AOPEP: variants seen among roughly 807,000 people sequenced by gnomAD.
AOPEP encodes aminopeptidase O.
A neutral mutation model predicts 98.1 loss-of-function variants in AOPEP; 77 were observed. The observed-to-expected ratio is 0.78, with a 90% CI of 0.65 to 0.95. The LOEUF is 0.95. AOPEP is among the 40% of genes least tolerant of loss of function. The pLI, the probability that AOPEP is intolerant of heterozygous loss-of-function variation, is 0.00. For synonymous variants in AOPEP, 346 were observed against 365.3 expected, an observed-to-expected ratio of 0.95 and a Z score of 0.60; for missense variants, 1,024 against 1,024.7, an observed-to-expected ratio of 1.00 and a Z score of 0.01.
chr9:95,088,447 G>T (rs57883597), downstream of AOPEP, among the ~76,000 whole-genome samples: 465 of 152,250 alleles, frequency 3.1e-3, 2 homozygotes, highest in African/African-American at 0.011. Context: ...GACCTCACGT[G>T]ATCCACCTGC....
At chr9:94,932,012 T>G in intron 7 of AOPEP, 1 of 1,205,970 alleles carries the variant, frequency 8.3e-7, no homozygotes, top group Non-Finnish European at 1.0e-6. Flanking sequence ...CTGAATAACG[T>G]GTCTAACCTC....
At chr9:95,104,381 T>C in the AOPEP span, among the ~76,000 whole-genome samples, 1 of 152,162 alleles carries the variant, frequency 6.6e-6, no homozygotes, top group African/African-American at 2.4e-5. Flanking sequence ...GGGAATGGGC[T>C]TCTGCTGTGT....
chr9:94,901,999 A>G (rs112036530), intron 5 of AOPEP, among the ~76,000 whole-genome samples: 12 of 152,308 alleles, frequency 7.9e-5, no homozygotes, highest in African/African-American at 2.6e-4. Flanking sequence ...GCAGATTTCA[A>G]TTCAGCAGTT....
chr9:95,095,470 G>A, the AOPEP span, among the ~76,000 whole-genome samples: 6 of 152,204 alleles, frequency 3.9e-5, no homozygotes, highest in Non-Finnish European at 8.8e-5. Context: ...ATGTGTAGAA[G>A]AGCTTTAGAA....
chr9:94,847,675 G>A (rs142285272), intron 5 of AOPEP, among the ~76,000 whole-genome samples: 1 of 152,234 alleles, frequency 6.6e-6, no homozygotes, highest in African/African-American at 2.4e-5. Flanking sequence ...TTAGGCCTTC[G>A]TGTGCAGTAA....
intron 14 of AOPEP, among the ~76,000 whole-genome samples, chr9:95,061,209 G>A (rs1336287588): frequency 2.6e-5 from 4 of 152,198 alleles, no homozygotes; most frequent in Non-Finnish European, 4.4e-5. Context: ...CATGTGTAAA[G>A]GGAATGAAAA....
Position 94,934,813 on chromosome 9 carries a change from TCGAG to T in AOPEP, c.1661+6283_1661+6286del, listed in dbSNP as rs1467723669. 3.9e-5 allele frequency: 6 copies of T among 152,428 alleles called. 1 individual carries two copies. The highest frequency in any genetic ancestry group is 8.8e-5 in the Non-Finnish European group (6 of 68,230). 9.4% of individuals were successfully genotyped at this position (152,428 alleles called of 1,614,324 possible). On this transcript the variant is annotated intron_variant, in intron 7 of 16. Transcript: ENST00000375315. ...CTCTGTCATTCCTCCTCCATCTCCT[TCGAG>T]GTCTGCCCTTTGCCTGCCTGTGTCT...
intron 11 of AOPEP, among the ~76,000 whole-genome samples, chr9:94,987,626 T>C (rs995639167): frequency 5.3e-5 from 8 of 152,174 alleles, no homozygotes; most frequent in Non-Finnish European, 8.8e-5. Flanking sequence ...CCTGCAACAA[T>C]CTAACCAAGG....
intron 1 of AOPEP, among the ~76,000 whole-genome samples, chr9:94,731,335 C>T (rs990212529): frequency 2.0e-5 from 3 of 151,906 alleles, no homozygotes; most frequent in African/African-American, 4.8e-5. Flanking sequence ...TCACGCCATT[C>T]ACCTGCCTCA....
At chr9:95,150,129 A>G in the AOPEP span, 4 of 1,608,108 alleles carry the variant, frequency 2.5e-6, no homozygotes, top group Non-Finnish European at 3.4e-6. Context: ...TCTAAGAGCC[A>G]TGCATAATTA....
intron 14 of AOPEP, among the ~76,000 whole-genome samples, chr9:95,078,523 C>T (rs879333131): frequency 6.6e-6 from 1 of 152,246 alleles, no homozygotes; most frequent in East Asian, 1.9e-4. Flanking sequence ...ACAGGTCTCA[C>T]GCACGGGACC....
At chr9:94,767,792 A>G (rs910758330) in intron 2 of AOPEP, among the ~76,000 whole-genome samples, 4 of 152,330 alleles carry the variant, frequency 2.6e-5, no homozygotes, top group African/African-American at 7.2e-5. Flanking sequence ...CGTAAAATCT[A>G]TCTTTCTGAG....
At chr9:94,783,725 C>T (rs1217310635) in intron 3 of AOPEP, among the ~76,000 whole-genome samples, 3 of 151,932 alleles carry the variant, frequency 2.0e-5, no homozygotes, top group African/African-American at 4.8e-5. Flanking sequence ...TATATACATT[C>T]TCTATAGTAT....
chr9:95,135,273 TTC>T, the AOPEP span: 668 of 1,442,684 alleles, frequency 4.6e-4, 4 homozygotes, highest in African/African-American at 8.1e-3. Flanking sequence ...CCCCCTTTCA[TTC>T]TCTGACTAAA....
chr9:94,994,769 T>C (rs893662035), intron 11 of AOPEP, among the ~76,000 whole-genome samples: 2 of 152,194 alleles, frequency 1.3e-5, no homozygotes. Flanking sequence ...CTGACCAACA[T>C]GGTGAAACCT....
the AOPEP span, chr9:95,135,202 A>G: frequency 1.2e-6 from 1 of 850,180 alleles, no homozygotes; most frequent in Admixed American, 2.1e-5. Context: ...AGTGATTTCA[A>G]AAATAAAATG....
intron 13 of AOPEP, among the ~76,000 whole-genome samples, chr9:95,036,702 C>CTTTCTTTT (rs2064859741): frequency 7.4e-6 from 1 of 135,822 alleles, no homozygotes; most frequent in Admixed American, 7.8e-5. Context: ...TCTTCTTCTT[C>CTTTCTTTT]TTTTTTTTTT....
chr9:94,968,953 C>T (rs1321544369), intron 10 of AOPEP, among the ~76,000 whole-genome samples: 1 of 152,136 alleles, frequency 6.6e-6, no homozygotes, highest in Non-Finnish European at 1.5e-5. Context: ...CTCAAAACAA[C>T]ACTATTTGGT....
chr9:95,051,215 G>A lies in AOPEP; in HGVS notation c.2116-9479G>A, dbSNP rs572277186. Reference sequence around the variant, plus strand: ...AGTGATTCTTCTGCCTCAGCCTCCCGAGTAGCTGGGACTACAGGTGCGCGC... The same window carrying A: ...AGTGATTCTTCTGCCTCAGCCTCCCAAGTAGCTGGGACTACAGGTGCGCGC... On this transcript the variant is annotated intron_variant, in intron 13 of 16. Coordinates refer to ENST00000375315, the MANE Select transcript of AOPEP (RefSeq NM_001193329.3). Among the ~76,000 whole-genome samples, 7 of 149,810 alleles carry A rather than the reference G, an allele frequency of 4.7e-5. No homozygotes were observed. The East Asian group carries it at 1.0e-3, about 21-fold the overall frequency.
Sources: allele counts gnomAD v4.1 joint callset (sites outside exome capture counted in the v4.1 genomes callset), GRCh38; gene constraint gnomAD v4.1.1; transcripts MANE v1.5; gene names NCBI Gene and HGNC (gene_info 2026-07-23, HGNC 2026-07-21).